Variants in TXNDC11 observed in about 807,000 individuals in gnomAD.
The protein encoded by TXNDC11 is thioredoxin domain-containing protein 11.
A neutral mutation model predicts 78.0 loss-of-function variants in TXNDC11; 68 were observed. The observed-to-expected ratio is 0.87, with a 90% CI of 0.72 to 1.07. The LOEUF is 1.07. Among genes scored for constraint, TXNDC11 ranks in the 50% least tolerant of loss-of-function variants. The pLI is 0.00. For missense variants in TXNDC11, 1,389 were observed against 1,221.8 expected, an observed-to-expected ratio of 1.14 and a Z score of -2.04; for synonymous variants, 571 against 495.2, an observed-to-expected ratio of 1.15 and a Z score of -2.03.
chr16:11,696,081 C>G (rs547688135), intron 7 of TXNDC11, among the ~76,000 whole-genome samples: 1 of 151,994 alleles, frequency 6.6e-6, no homozygotes, highest in Admixed American at 6.6e-5. Context: ...ATCTTGAAAT[C>G]CTCAGAGAAG....
chr16:11,731,687 TCACACACACA>T (rs34570874), intron 3 of TXNDC11, among the ~76,000 whole-genome samples: 5 of 143,762 alleles, frequency 3.5e-5, no homozygotes, highest in African/African-American at 1.0e-4. Flanking sequence ...TTACAGAAAT[TCACACACACA>T]CACACACACA....
At chr16:11,695,176 T>C (rs1394211811) in intron 7 of TXNDC11, among the ~76,000 whole-genome samples, 1 of 152,210 alleles carries the variant, frequency 6.6e-6, no homozygotes, top group Non-Finnish European at 1.5e-5. Flanking sequence ...CACCAGGGTG[T>C]CAGTGGCCTC....
intron 7 of TXNDC11, among the ~76,000 whole-genome samples, chr16:11,697,806 G>A (rs901069271): frequency 1.3e-5 from 2 of 152,184 alleles, no homozygotes; most frequent in African/African-American, 2.4e-5. Context: ...TAAACAGGAA[G>A]CTCAACAGCA....
intron 5 of TXNDC11, among the ~76,000 whole-genome samples, chr16:11,711,523 G>A (rs1026868892): frequency 6.6e-6 from 1 of 152,082 alleles, no homozygotes; most frequent in African/African-American, 2.4e-5. Flanking sequence ...CAAAGCCAGT[G>A]ACAACTAGAC....
intron 9 of TXNDC11, 33 bp from the exon 10 acceptor site, chr16:11,687,999 C>T (rs2141978454): frequency 6.8e-7 from 1 of 1,477,146 alleles, no homozygotes. Flanking sequence ...GTTACTTGCA[C>T]CGGGAAATGG....
intron 7 of TXNDC11, among the ~76,000 whole-genome samples, chr16:11,695,360 GC>G (rs2050831217): frequency 6.6e-6 from 1 of 152,118 alleles, no homozygotes; most frequent in Non-Finnish European, 1.5e-5. Context: ...TGCTTGGTAT[GC>G]CCCCAACTCT....
At chr16:11,703,565 A>G (rs1051528089) in intron 5 of TXNDC11, 2 of 615,282 alleles carry the variant, frequency 3.3e-6, no homozygotes, top group Admixed American at 4.7e-5. Flanking sequence ...GAGGGGATGG[A>G]TAGAGAAATA....
intron 5 of TXNDC11, among the ~76,000 whole-genome samples, chr16:11,712,806 T>C (rs991447078): frequency 4.6e-5 from 7 of 151,150 alleles, no homozygotes; most frequent in Non-Finnish European, 7.4e-5. Context: ...AATAGAAAAA[T>C]TTGGCCAGGA....
chr16:11,679,479 G>A lies in TXNDC11; in HGVS notation c.2593C>T (p.Gln865Ter). 1.2e-6 allele frequency: 2 copies of A among 1,613,598 alleles called. No individual in the cohort carries two copies. Among genetic ancestry groups the A allele is most frequent in the Non-Finnish European group, 1.7e-6 (2 of 1,180,020 alleles). Residue 865 changes from glutamine (Q) to a stop codon, truncating the protein, a stop_gained, in exon 12 of 12, where the codon CAG becomes TAG. Transcript: ENST00000283033. LOFTEE classifies it low-confidence loss of function (END_TRUNC). The surrounding 1 kb of genome is among the most constrained non-coding windows in gnomAD (Gnocchi z 4.6). ...AGCTCCTGCAGCTCACGTGTCTTCT[G>A]CTCATAGAGGGCCTGCAGCTGCTCA... is the stretch of plus-strand genomic sequence containing the variant. Reference protein sequence around the residue: ...HSEQLQALYEQKTRELQELAR... With the variant: ...HSEQLQALYE
chr16:11,684,074 TAATG>T (rs903668680), intron 11 of TXNDC11, 87 bp downstream of exon 11: 1 of 915,168 alleles, frequency 1.1e-6, no homozygotes, highest in African/African-American at 1.7e-5. Context: ...TTTTTGAACA[TAATG>T]AATGATTTAC....
chr16:11,684,038 A>G (rs1377536753), intron 11 of TXNDC11, 127 bp downstream of exon 11: 4 of 635,146 alleles, frequency 6.3e-6, no homozygotes, highest in Non-Finnish European at 1.1e-5. Flanking sequence ...GGCATGAGCC[A>G]CCACGCCTGG....
At chr16:11,708,402 G>A (rs1597450569) in intron 5 of TXNDC11, among the ~76,000 whole-genome samples, 1 of 152,174 alleles carries the variant, frequency 6.6e-6, no homozygotes, top group Non-Finnish European at 1.5e-5. Context: ...TCTAGCCTGA[G>A]CTTCTGAAAT....
At chr16:11,728,718 G>A (rs932951699) in intron 4 of TXNDC11, among the ~76,000 whole-genome samples, 1 of 152,216 alleles carries the variant, frequency 6.6e-6, no homozygotes, top group Non-Finnish European at 1.5e-5. Flanking sequence ...GGCTGAGGCA[G>A]AACGATCGCT....
chr16:11,681,788 G>A (rs1234419221), intron 11 of TXNDC11, among the ~76,000 whole-genome samples: 2 of 152,186 alleles, frequency 1.3e-5, no homozygotes, highest in African/African-American at 4.8e-5. Context: ...GTGGCTCCAA[G>A]ATGCCTCTGC....
intron 5 of TXNDC11, among the ~76,000 whole-genome samples, chr16:11,711,053 G>A (rs2051337185): frequency 6.6e-6 from 1 of 152,124 alleles, no homozygotes; most frequent in South Asian, 2.1e-4. Context: ...AGATAGTCAA[G>A]AGTTATTAAT....
At position 11,698,150 on chromosome 16, in the gene TXNDC11, G is replaced by A. The variant is rs376158182; in HGVS notation, c.1082C>T (p.Ala361Val). The A allele has an allele frequency of 5.6e-6, 9 of 1,614,118 alleles. No individual in the cohort carries two copies. The African/African-American group carries it at 9.3e-5, about 17-fold the overall frequency. Residue 361 changes from alanine (A) to valine (V), a missense_variant, in exon 7 of 12, where the codon GCC (alanine) becomes GTC (valine). By Grantham distance (64) the Ala-to-Val change is moderately conservative. Coordinates refer to ENST00000283033, the MANE Select transcript of TXNDC11 (RefSeq NM_015914.7). ...LFLFIPFNPL[A>V]ESHPLIDEIT... is the part of the protein sequence containing the mutation. The stretch of plus-strand genomic sequence containing the variant: ...CTCGTCTATTAAAGGATGACTTTCG[G>A]CCAGGGGATTAAAAGGTATGAACAG...
At chr16:11,718,066 G>T (rs1032525163) in intron 5 of TXNDC11, among the ~76,000 whole-genome samples, 1 of 152,236 alleles carries the variant, frequency 6.6e-6, no homozygotes, top group East Asian at 1.9e-4. Flanking sequence ...TGCGTTAAGT[G>T]GGGGGTAAAG....
intron 5 of TXNDC11, among the ~76,000 whole-genome samples, chr16:11,704,911 C>CT (rs2051140666): frequency 8.2e-6 from 1 of 121,270 alleles, no homozygotes; most frequent in Non-Finnish European, 1.9e-5. Context: ...ACTTCTTTTT[C>CT]TTTCTTTTTT....
intron 5 of TXNDC11, among the ~76,000 whole-genome samples, chr16:11,717,393 C>A (rs1408615117): frequency 2.9e-5 from 4 of 140,042 alleles, no homozygotes; most frequent in African/African-American, 1.1e-4. Context: ...TGAGATCATG[C>A]CACTGCACTC....
Sources: allele counts gnomAD v4.1 joint callset (sites outside exome capture counted in the v4.1 genomes callset), GRCh38; gene constraint gnomAD v4.1.1; non-coding constraint Gnocchi (gnomAD v3.1); transcripts MANE v1.5; gene names NCBI Gene and HGNC (gene_info 2026-07-23, HGNC 2026-07-21).